Variants in LRPPRC observed in about 807,000 individuals in gnomAD.
LRPPRC encodes the protein leucine-rich PPR motif-containing protein, mitochondrial.
In LRPPRC, 120 loss-of-function variants were observed where a neutral mutation model predicts 180.3. That is an observed-to-expected ratio of 0.67 (90% CI 0.57 to 0.77). LRPPRC has a LOEUF of 0.77. LRPPRC is among the 30% of genes least tolerant of loss of function. The pLI is 0.00. For synonymous variants in LRPPRC, 723 were observed against 600.0 expected (o/e 1.21, Z -3.00); for missense variants, 2,012 against 1,657.2 (o/e 1.21, Z -3.72).
chr2:43,961,373 G>A (rs1253853771), intron 12 of LRPPRC, among the ~76,000 whole-genome samples: 1 of 152,090 alleles, frequency 6.6e-6, no homozygotes, highest in Non-Finnish European at 1.5e-5. Context: ...AAATAAGAAT[G>A]TTCTTTCTTT....
At chr2:43,985,973 T>C (rs1053734237) in intron 1 of LRPPRC, among the ~76,000 whole-genome samples, 5 of 152,228 alleles carry the variant, frequency 3.3e-5, no homozygotes, top group Non-Finnish European at 7.3e-5. Flanking sequence ...TGCCAGTATT[T>C]GGGGTTTTCG....
At chr2:43,919,821 A>G (rs1671631856) in intron 27 of LRPPRC, among the ~76,000 whole-genome samples, 1 of 152,086 alleles carries the variant, frequency 6.6e-6, no homozygotes, top group South Asian at 2.1e-4. Flanking sequence ...GCTAGTATGT[A>G]TAAGAAATAT....
intron 36 of LRPPRC, among the ~76,000 whole-genome samples, chr2:43,893,260 A>C (rs1160826594): frequency 6.6e-6 from 1 of 152,336 alleles, no homozygotes; most frequent in East Asian, 1.9e-4. Context: ...ATATGACATA[A>C]ATTTAGTTAA....
chr2:43,976,936 A>G (rs1046449053), intron 5 of LRPPRC, 58 bp downstream of exon 5: 64 of 1,379,822 alleles, frequency 4.6e-5, no homozygotes, highest in Non-Finnish European at 5.8e-5. Flanking sequence ...GTGAACAGAC[A>G]TTAGATTTAC....
intron 31 of LRPPRC, chr2:43,903,751 G>A (rs1212945584): frequency 6.6e-6 from 1 of 152,118 alleles, no homozygotes; most frequent in Non-Finnish European, 1.5e-5. Context: ...CAATCCAGCT[G>A]AAGAAATCTG....
intron 27 of LRPPRC, among the ~76,000 whole-genome samples, chr2:43,922,035 A>G (rs1457916209): frequency 6.6e-6 from 1 of 152,232 alleles, no homozygotes; most frequent in Non-Finnish European, 1.5e-5. Context: ...AAATAATAGA[A>G]AATTCCTTAA....
chr2:43,975,116 T>G lies in LRPPRC; in HGVS notation c.839A>C (p.Lys280Thr). ...YLALLNAYAE[K>T]GDIDHVKQTL... Reference sequence around the variant, plus strand: ...CTGCTTAACATGGTCAATGTCGCCCTTCTCAGCATATGCATTCAATAATGC... The same window carrying G: ...CTGCTTAACATGGTCAATGTCGCCCGTCTCAGCATATGCATTCAATAATGC... The change falls in exon 7 of 38, where the codon AAG becomes ACG. Residue 280 changes from lysine to threonine, a missense_variant. Physicochemically the swap from Lys to Thr is moderately conservative, Grantham distance 78 (BLOSUM62 -1). Coordinates refer to ENST00000260665, the MANE Select transcript of LRPPRC (RefSeq NM_133259.4). The G allele has an allele frequency of 6.2e-7, 1 of 1,613,512 alleles. No individual in the cohort carries two copies.
At position 43,947,573 on chromosome 2, in the gene LRPPRC, T is replaced by C. The variant is rs114912224; in HGVS notation, c.1965+158A>G. 7.9e-3 allele frequency among the ~76,000 whole-genome samples: 1,204 copies of C among 152,142 alleles called. 6 individuals are homozygous for C. The highest frequency in any genetic ancestry group is 0.014 in the Non-Finnish European group (932 of 67,926). Reference sequence around the variant, plus strand: ...ATTATATGCAAATTTCTTAGATATGTTGATTTTTCTGAGGTGGGGAACAGG... The same window carrying C: ...ATTATATGCAAATTTCTTAGATATGCTGATTTTTCTGAGGTGGGGAACAGG... On this transcript the variant is annotated intron_variant, in intron 19 of 37. Coordinates refer to ENST00000260665, the MANE Select transcript of LRPPRC (RefSeq NM_133259.4).
At chr2:43,960,131 T>A (rs1485712285) in intron 13 of LRPPRC, among the ~76,000 whole-genome samples, 2 of 152,224 alleles carry the variant, frequency 1.3e-5, no homozygotes, top group African/African-American at 4.8e-5. Flanking sequence ...GAAGTCTTTA[T>A]AATAGATGTT....
intron 34 of LRPPRC, among the ~76,000 whole-genome samples, chr2:43,898,475 G>T (rs1467898493): frequency 1.3e-5 from 2 of 152,188 alleles, no homozygotes; most frequent in African/African-American, 4.8e-5. Flanking sequence ...GTGACTGTTT[G>T]ACTGCCACCT....
At chr2:43,932,120 T>C (rs1256163364) in intron 25 of LRPPRC, among the ~76,000 whole-genome samples, 3 of 27,082 alleles carry the variant, frequency 1.1e-4, no homozygotes, top group Admixed American at 7.4e-4. Flanking sequence ...CAAGACCCTG[T>C]CTCAAAAAAA....
intron 24 of LRPPRC, 137 bp from the exon 25 acceptor site, chr2:43,934,433 A>G: frequency 3.2e-6 from 2 of 626,358 alleles, no homozygotes; most frequent in African/African-American, 1.8e-5. Context: ...GAATATAGCT[A>G]TATCGACTAA....
At position 43,947,767 on chromosome 2, in the gene LRPPRC, G is replaced by C. The variant is rs200017171; in HGVS notation, c.1929C>G (p.His643Gln). The C allele has an allele frequency of 1.3e-6, 2 of 1,587,358 alleles. No homozygotes were observed. Among genetic ancestry groups the C allele is most frequent in the East Asian group, 4.5e-5 (2 of 44,618 alleles). The change falls in exon 19 of 38, where the codon CAC becomes CAG. Residue 643 changes from histidine (H) to glutamine (Q), a missense_variant. By Grantham distance (24) the His-to-Gln change is conservative (BLOSUM62 0). Coordinates refer to ENST00000260665, the MANE Select transcript of LRPPRC (RefSeq NM_133259.4). The stretch of plus-strand genomic sequence containing the variant: ...CTAAATTCTTACTCTCAACCAACAA[G>C]TGAGCATCCTAAAATTGAAATTTAA... ...YHVPELIKDA[H>Q]LLVESKNLDF...
chr2:43,946,018 A>T (rs1191323948), intron 21 of LRPPRC, 95 bp downstream of exon 21: 10 of 1,282,576 alleles, frequency 7.8e-6, no homozygotes, highest in Non-Finnish European at 1.1e-5. Flanking sequence ...TAAAAATGAC[A>T]TTATATAAGA....
At chr2:43,926,010 A>G (rs756655763) in intron 25 of LRPPRC, 49 bp from the exon 26 acceptor site, 1 of 1,100,026 alleles carries the variant, frequency 9.1e-7, no homozygotes, top group South Asian at 1.2e-5. Flanking sequence ...CTTCGGCTGA[A>G]TATTATTTTT....
At chr2:43,915,060 A>C (rs1219801481) in intron 29 of LRPPRC, among the ~76,000 whole-genome samples, 1 of 37,932 alleles carries the variant, frequency 2.6e-5, no homozygotes, top group African/African-American at 2.6e-4. Context: ...ATACAAAAAA[A>C]AAAAAAAAAA....
intron 37 of LRPPRC, 76 bp downstream of exon 37, chr2:43,889,658 T>A: frequency 8.3e-7 from 1 of 1,208,922 alleles, no homozygotes; most frequent in East Asian, 2.3e-5. Flanking sequence ...GTCTTCAACT[T>A]ATTTTCTTAC....
intron 2 of LRPPRC, among the ~76,000 whole-genome samples, chr2:43,980,663 T>A (rs1188194624): frequency 6.6e-6 from 1 of 151,992 alleles, no homozygotes; most frequent in African/African-American, 2.4e-5. Context: ...AGGTTCATAA[T>A]CAGCTACAAT....
chr2:43,928,083 T>C (rs1671953745), intron 25 of LRPPRC, among the ~76,000 whole-genome samples: 1 of 152,208 alleles, frequency 6.6e-6, no homozygotes, highest in Admixed American at 6.5e-5. Context: ...CCACATACAA[T>C]CTATCTAATG....
Sources: gnomAD v4.1 joint callset for allele counts (sites outside exome capture counted in the v4.1 genomes callset) on GRCh38, gnomAD v4.1.1 for gene constraint, MANE v1.5 for transcripts, NCBI Gene and HGNC (gene_info 2026-07-23, HGNC 2026-07-21) for gene names.